The following FARS2 variants were observed in gnomAD, a reference collection of about 807,000 sequenced individuals.
FARS2 encodes phenylalanine--tRNA ligase, mitochondrial.
A neutral mutation model predicts 46.4 loss-of-function variants in FARS2; 40 were observed. That is an observed-to-expected ratio of 0.86 (90% CI 0.67 to 1.12). The LOEUF is 1.12. Ranked by LOEUF, FARS2 falls within the 50% of genes most tolerant of loss-of-function variation. FARS2 has a pLI of 0.00. For synonymous variants in FARS2, 234 were observed against 214.9 expected, an observed-to-expected ratio of 1.09 and a Z score of -0.78; for missense variants, 513 against 567.9, an observed-to-expected ratio of 0.90 and a Z score of 0.98.
rs115760972 is a variant in FARS2, at chr6:5,470,635, G to A, written c.904+39463G>A. The stretch of plus-strand genomic sequence containing the variant: ...GTAAGGCTCAAAGTGGATTTGTTCC[G>A]TATAGTTTGTGTAGTTCTGTATAGC... On this transcript the variant is annotated intron_variant, in intron 4 of 6. Coordinates refer to ENST00000274680, the MANE Select transcript of FARS2 (RefSeq NM_006567.5). 6.5e-3 allele frequency among the ~76,000 whole-genome samples: 996 copies of A among 152,206 alleles called. 10 individuals carry two copies. The highest frequency in any genetic ancestry group is 0.022 in the African/African-American group (914 of 41,534).
chr6:5,673,409 A>G (rs374102691), intron 6 of FARS2, among the ~76,000 whole-genome samples: 2 of 152,312 alleles, frequency 1.3e-5, no homozygotes, highest in South Asian at 2.1e-4. Context: ...ACCACAGTTA[A>G]TAAGGCCACA....
intron 1 of FARS2, among the ~76,000 whole-genome samples, chr6:5,346,310 A>G (rs1451872679): frequency 6.6e-6 from 1 of 152,192 alleles, no homozygotes; most frequent in Non-Finnish European, 1.5e-5. Flanking sequence ...AAAATTCATC[A>G]TCACCTCCAG....
At chr6:5,293,083 T>A (rs1313196854) in intron 1 of FARS2, among the ~76,000 whole-genome samples, 1 of 152,222 alleles carries the variant, frequency 6.6e-6, no homozygotes, top group Non-Finnish European at 1.5e-5. Context: ...TTGGTGACAC[T>A]GTTGGAAATA....
intron 1 of FARS2, among the ~76,000 whole-genome samples, chr6:5,296,643 C>G (rs183684422): frequency 6.6e-6 from 1 of 152,210 alleles, no homozygotes; most frequent in Non-Finnish European, 1.5e-5. Context: ...TTTAACCACT[C>G]TAGGAACTTC....
intron 6 of FARS2, among the ~76,000 whole-genome samples, chr6:5,769,472 T>A (rs940739302): frequency 1.3e-5 from 2 of 152,206 alleles, no homozygotes; most frequent in Admixed American, 1.3e-4. Flanking sequence ...GTACTGTTGT[T>A]CGGAGCACAA....
intron 6 of FARS2, among the ~76,000 whole-genome samples, chr6:5,690,022 T>G (rs1166843507): frequency 6.6e-6 from 1 of 152,200 alleles, no homozygotes; most frequent in Non-Finnish European, 1.5e-5. Flanking sequence ...GATTGCAACC[T>G]CTGCCTTTTT....
chr6:5,607,723 C>G (rs1484376486), intron 5 of FARS2, among the ~76,000 whole-genome samples: 7 of 152,062 alleles, frequency 4.6e-5, no homozygotes, highest in Admixed American at 6.6e-5. Flanking sequence ...AACCATGACG[C>G]GTTTATACTA....
At chr6:5,686,674 T>C (rs928274424) in intron 6 of FARS2, among the ~76,000 whole-genome samples, 2 of 152,280 alleles carry the variant, frequency 1.3e-5, no homozygotes, top group African/African-American at 4.8e-5. Flanking sequence ...CATGTGCATG[T>C]GTCTTTATAA....
chr6:5,623,622 G>T (rs918960261), intron 6 of FARS2, among the ~76,000 whole-genome samples: 2 of 152,022 alleles, frequency 1.3e-5, no homozygotes, highest in African/African-American at 2.4e-5. Context: ...TGAGGCAGGA[G>T]AATTAATTGA....
chr6:5,265,384 A>G (rs776340232), intron 1 of FARS2, among the ~76,000 whole-genome samples: 7 of 152,218 alleles, frequency 4.6e-5, no homozygotes, highest in Non-Finnish European at 8.8e-5. Flanking sequence ...TTAGCCCTGT[A>G]CTAGCTTTAT....
At chr6:5,602,955 A>G (rs1053238105) in intron 5 of FARS2, among the ~76,000 whole-genome samples, 2 of 152,158 alleles carry the variant, frequency 1.3e-5, no homozygotes, top group Non-Finnish European at 2.9e-5. Flanking sequence ...TGTCATCTTC[A>G]CCACAGTATG....
intron 6 of FARS2, among the ~76,000 whole-genome samples, chr6:5,662,042 A>G (rs1460730959): frequency 6.6e-6 from 1 of 152,056 alleles, no homozygotes; most frequent in African/African-American, 2.4e-5. Context: ...TGAATGAAAA[A>G]GAAAAGGAAA....
intron 3 of FARS2, among the ~76,000 whole-genome samples, chr6:5,411,882 G>T (rs1232749548): frequency 6.6e-6 from 1 of 152,134 alleles, no homozygotes; most frequent in Non-Finnish European, 1.5e-5. Flanking sequence ...TTTGTACTGT[G>T]CTTAGTAGAT....
chr6:5,279,195 G>A (rs1449375050), intron 1 of FARS2, among the ~76,000 whole-genome samples: 4 of 151,830 alleles, frequency 2.6e-5, no homozygotes, highest in Admixed American at 6.6e-5. Flanking sequence ...GGCTAACACG[G>A]TGAAACCCCG....
At chr6:5,560,531 T>G (rs1053310949) in intron 5 of FARS2, among the ~76,000 whole-genome samples, 8 of 152,134 alleles carry the variant, frequency 5.3e-5, no homozygotes, top group African/African-American at 1.9e-4. Context: ...TTTCCTGTGT[T>G]TGTTACGATC....
intron 6 of FARS2, among the ~76,000 whole-genome samples, chr6:5,639,051 G>A (rs542831552): frequency 1.1e-4 from 17 of 152,332 alleles, no homozygotes; most frequent in African/African-American, 4.1e-4. Context: ...TGCATGTACG[G>A]TGAAATTGAT....
intron 6 of FARS2, among the ~76,000 whole-genome samples, chr6:5,690,166 G>A (rs555761247): frequency 1.6e-4 from 25 of 152,166 alleles, no homozygotes; most frequent in Non-Finnish European, 2.8e-4. Context: ...GCCAGTCTGT[G>A]TCTTTTAATT....
At chr6:5,720,508 T>C (rs1451680977) in intron 6 of FARS2, among the ~76,000 whole-genome samples, 2 of 152,224 alleles carry the variant, frequency 1.3e-5, no homozygotes, top group Non-Finnish European at 2.9e-5. Context: ...AGAATGTGTC[T>C]TTACAATATT....
rs917959233 is a variant in FARS2 at position 5,671,965 on chromosome 6, G to T, written c.1217+58645G>T. ...ATCATCGTGAGGAACGTGCATTTGC[G>T]GAAGACATTGTCCTACTTTTCCACA... On this transcript the variant is annotated intron_variant, in intron 6 of 6. Coordinates refer to ENST00000274680, the MANE Select transcript of FARS2 (RefSeq NM_006567.5). Among the ~76,000 whole-genome samples the T allele has an allele frequency of 2.0e-4, 30 of 152,164 alleles. 1 individual carries two copies. The highest frequency in any genetic ancestry group is 5.9e-5 in the Non-Finnish European group (4 of 68,034).
Sources: allele counts gnomAD v4.1 joint callset (sites outside exome capture counted in the v4.1 genomes callset), GRCh38; gene constraint gnomAD v4.1.1; transcripts MANE v1.5; gene names NCBI Gene and HGNC (gene_info 2026-07-23, HGNC 2026-07-21).